Variants in HAUS8 observed in about 807,000 individuals in gnomAD.
HAUS8 encodes HAUS augmin like complex subunit 8.
Under a neutral mutation model 42.9 loss-of-function variants are expected in HAUS8, and 38 were observed. The observed-to-expected ratio is 0.89, with a 90% confidence interval of 0.68 to 1.16. HAUS8 has a LOEUF of 1.16. Ranked by LOEUF, HAUS8 falls within the 50% of genes most tolerant of loss-of-function variation. The pLI is 0.00. For missense variants in HAUS8, 494 were observed against 511.6 expected, an observed-to-expected ratio of 0.97 and a Z score of 0.33; for synonymous variants, 199 against 205.8, an observed-to-expected ratio of 0.97 and a Z score of 0.28.
intron 2 of HAUS8, 145 bp from the exon 3 acceptor site, chr19:17,069,231 C>A: frequency 1.4e-6 from 1 of 707,498 alleles, no homozygotes; most frequent in South Asian, 1.5e-5. Context: ...TCCTCCTGCT[C>A]GCCTCTGATC....
chr19:17,050,320 G>T, intron 10 of HAUS8, 144 bp from the exon 11 acceptor site: 1 of 481,844 alleles, frequency 2.1e-6, no homozygotes. Context: ...AATAAGATCC[G>T]TCTGAAAAGA....
At position 17,052,897 on chromosome 19, in the gene HAUS8, T is replaced by C; in HGVS notation, c.857A>G (p.Glu286Gly). The C allele has an allele frequency of 1.2e-6, 2 of 1,614,216 alleles. No individual in the cohort carries two copies. Among genetic ancestry groups the C allele is most frequent in the Non-Finnish European group, 1.7e-6 (2 of 1,180,036 alleles). The change falls in exon 10 of 11, where the codon GAA becomes GGA. Residue 286 changes from glutamate to glycine, a missense_variant. By Grantham distance (98) the Glu-to-Gly change is moderately conservative. Transcript: ENST00000253669. ...CAGTAAGTCCAGCACCTGCACATTT[T>C]CTTCCGAATCACCAACATCAAGTTC... ...LGELDVGDSE[E>G]NVQVLDLLSE...
chr19:17,051,301 A>C (rs1479668481), intron 10 of HAUS8, among the ~76,000 whole-genome samples: 1 of 152,088 alleles, frequency 6.6e-6, no homozygotes, highest in Admixed American at 6.6e-5. Context: ...CAACTCAGGA[A>C]AAAGATTTAG....
intron 9 of HAUS8, among the ~76,000 whole-genome samples, chr19:17,054,348 C>T (rs540907517): frequency 2.1e-4 from 32 of 152,040 alleles, no homozygotes; most frequent in African/African-American, 6.8e-4. Flanking sequence ...TGGAGGTGAC[C>T]GCAGTCATAA....
intron 4 of HAUS8, among the ~76,000 whole-genome samples, chr19:17,061,983 G>C (rs1390510876): frequency 1.3e-5 from 2 of 152,238 alleles, no homozygotes; most frequent in African/African-American, 2.4e-5. Flanking sequence ...TCTACACCAG[G>C]AGTGGCAAAT....
chr19:17,064,293 G>A (rs770055793), intron 3 of HAUS8, among the ~76,000 whole-genome samples: 26 of 152,312 alleles, frequency 1.7e-4, no homozygotes, highest in Non-Finnish European at 2.6e-4. Context: ...TGAAAGACTC[G>A]CTTTTATTAA....
chr19:17,056,716 A>G (rs1244847235), intron 8 of HAUS8, among the ~76,000 whole-genome samples: 3 of 151,986 alleles, frequency 2.0e-5, no homozygotes, highest in Non-Finnish European at 4.4e-5. Context: ...TCAGTCTCCC[A>G]AGTAGCTGGG....
In HAUS8 at chr19:17,069,676, C is replaced by T. The variant is rs2123381750; in HGVS notation, c.92-590G>A. 1.3e-5 allele frequency among the ~76,000 whole-genome samples: 2 copies of T among 152,140 alleles called. 1 individual carries two copies. Among genetic ancestry groups the T allele is most frequent in the South Asian group, 4.1e-4 (2 of 4,824 alleles). On this transcript the variant is annotated intron_variant, in intron 2 of 10. Coordinates refer to ENST00000253669, the MANE Select transcript of HAUS8 (RefSeq NM_033417.2). ...TGTGGATGGAACAAATGCCACCTGT[C>T]ACCCCAGCTTCTGGAGGTAGGGGTC... is the stretch of plus-strand genomic sequence containing the variant.
Position 17,069,104 on chromosome 19 carries a change from T to G in HAUS8, c.92-18A>C, listed in dbSNP as rs766212230. 7.5e-6 allele frequency: 12 copies of G among 1,610,710 alleles called. No individual in the cohort carries two copies. Among genetic ancestry groups the G allele is most frequent in the Non-Finnish European group, 3.4e-6 (4 of 1,178,006 alleles). On this transcript the variant is annotated intron_variant, in intron 2 of 10. Transcript: ENST00000253669. Reference sequence around the variant, plus strand: ...TCTTCCACCTGTGGGGACACACTGTTGGTGCACAACAAAACTACAAAGGAC... The same window carrying G: ...TCTTCCACCTGTGGGGACACACTGTGGGTGCACAACAAAACTACAAAGGAC...
intron 3 of HAUS8, among the ~76,000 whole-genome samples, chr19:17,068,590 G>A (rs2057401882): frequency 6.6e-6 from 1 of 152,146 alleles, no homozygotes; most frequent in South Asian, 2.1e-4. Flanking sequence ...AACATAGGGA[G>A]ACCCTGTCTC....
chr19:17,055,114 GAAAAAAAAAAAAAA>G (rs1175327637), intron 9 of HAUS8: 19 of 4,720 alleles, frequency 4.0e-3, no homozygotes, highest in African/African-American at 0.012. Flanking sequence ...CGTCTCTACA[GAAAAAAAAAAAAAA>G]AAAAAAAAAA....
intron 3 of HAUS8, among the ~76,000 whole-genome samples, chr19:17,068,274 C>T (rs191803792): frequency 5.9e-5 from 9 of 151,924 alleles, no homozygotes; most frequent in Admixed American, 2.6e-4. Context: ...CCACTGCATC[C>T]GGCTAATTTT....
rs562240805 is a variant in HAUS8, at chr19:17,050,256, C to A, written c.930-80G>T. On this transcript the variant is annotated intron_variant, in intron 10 of 10. Coordinates refer to ENST00000253669, the MANE Select transcript of HAUS8 (RefSeq NM_033417.2). Reference sequence around the variant, plus strand: ...GTGTGTGGTGAACGGAGGGCTGCCACACGGGGAGGCGGATTTTCACATGCC... The same window carrying A: ...GTGTGTGGTGAACGGAGGGCTGCCAAACGGGGAGGCGGATTTTCACATGCC... 4.2e-4 allele frequency: 477 copies of A among 1,122,422 alleles called. 3 individuals carry two copies. The highest frequency in any genetic ancestry group is 6.4e-4 in the Middle Eastern group (2 of 3,122). 69.5% of individuals were successfully genotyped at this position (1,122,422 alleles called of 1,614,324 possible).
Position 17,052,845 on chromosome 19 carries a change from T to G in HAUS8, c.909A>C (p.Lys303Asn), listed in dbSNP as rs2057295801. Residue 303 changes from lysine (K) to asparagine (N), a missense_variant, in exon 10 of 11, where the codon AAA (lysine) becomes AAC (asparagine). Coordinates refer to ENST00000253669, the MANE Select transcript of HAUS8 (RefSeq NM_033417.2). Reference protein sequence around the residue: ...LLSELKDVTAKKDLELRRSFA... With the variant: ...LLSELKDVTANKDLELRRSFA... ...GGTACCTTCGGAGCTCAAGGTCCTT[T>G]TTCGCCGTCACGTCCTTGAGTTCGC... 2 of 1,614,074 alleles carry G rather than the reference T, an allele frequency of 1.2e-6. No individual in the cohort carries two copies. The highest frequency in any genetic ancestry group is 1.7e-6 in the Non-Finnish European group (2 of 1,180,038).
intron 3 of HAUS8, among the ~76,000 whole-genome samples, chr19:17,067,191 C>T (rs905683267): frequency 7.1e-5 from 9 of 127,098 alleles, no homozygotes; most frequent in South Asian, 5.2e-4. Context: ...GGCAACAGAG[C>T]GAGACTCCAT....
intron 6 of HAUS8, among the ~76,000 whole-genome samples, chr19:17,059,258 C>G (rs942866871): frequency 4.6e-5 from 7 of 152,242 alleles, no homozygotes; most frequent in Admixed American, 2.6e-4. Context: ...CCTAGCCGTC[C>G]TCCCACCAAG....
chr19:17,065,156 C>T (rs1408812902), intron 3 of HAUS8, among the ~76,000 whole-genome samples: 1 of 152,166 alleles, frequency 6.6e-6, no homozygotes, highest in Non-Finnish European at 1.5e-5. Flanking sequence ...CACTTCACAC[C>T]CACAAGACTG....
intron 3 of HAUS8, among the ~76,000 whole-genome samples, chr19:17,068,538 G>A (rs1006484856): frequency 6.6e-6 from 1 of 152,156 alleles, no homozygotes; most frequent in Admixed American, 6.5e-5. Flanking sequence ...AGGCCGAGGC[G>A]GGAGCATCAC....
intron 2 of HAUS8, among the ~76,000 whole-genome samples, chr19:17,070,840 C>T (rs2057417394): frequency 1.3e-5 from 2 of 152,314 alleles, no homozygotes; most frequent in Non-Finnish European, 2.9e-5. Flanking sequence ...GAGGCCAAGG[C>T]AGGCGGATCA....
Sources: allele counts gnomAD v4.1 joint callset (sites outside exome capture counted in the v4.1 genomes callset), GRCh38; gene constraint gnomAD v4.1.1; transcripts MANE v1.5; gene names NCBI Gene and HGNC (gene_info 2026-07-23, HGNC 2026-07-21).